The following NFILZ variants were observed in gnomAD, a reference collection of about 807,000 sequenced individuals.
NFILZ encodes the protein NFIL3 like basic leucine zipper.
chr19:8,668,407 G>A (rs1406451622), intron 3 of NFILZ, among the ~76,000 whole-genome samples: 1 of 149,972 alleles, frequency 6.7e-6, no homozygotes, highest in Non-Finnish European at 1.5e-5. Context: ...AGCTCTAACT[G>A]GTTCTTTTTA....
chr19:8,635,365 CCAATTCCTG>C lies in NFILZ; in HGVS notation c.-260-274_-260-266del, dbSNP rs2042890127. On this transcript the variant is annotated intron_variant, in intron 2 of 5. Transcript: ENST00000691075. Reference sequence around the variant, plus strand: ...GAAATACAGAATACCTTTTTCCCTCCCAATTCCTGCAATTCCTGCGTGCCCCTCTGGAGT... The same window carrying C: ...GAAATACAGAATACCTTTTTCCCTCCCAATTCCTGCGTGCCCCTCTGGAGT... 4.6e-5 allele frequency among the ~76,000 whole-genome samples: 7 copies of C among 151,132 alleles called. No homozygotes were observed. The South Asian group carries it at 1.5e-3, about 32-fold the overall frequency.
chr19:8,643,060 C>T (rs186272000), intron 3 of NFILZ, among the ~76,000 whole-genome samples: 3 of 151,934 alleles, frequency 2.0e-5, no homozygotes, highest in African/African-American at 7.3e-5. Flanking sequence ...AGCTCTCCCC[C>T]CACCTCAGCC....
At position 8,677,479 on chromosome 19, in the gene NFILZ, T is replaced by C. The variant is rs2043116372; in HGVS notation, c.714T>C (p.Ala238=). Reference sequence around the variant, plus strand: ...CAGATGTGTTGCTGACACCCACTGCTGATCCCATGGGTCTGTCTCCTGGGG... The same window carrying C: ...CAGATGTGTTGCTGACACCCACTGCCGATCCCATGGGTCTGTCTCCTGGGG... ...GPSDVLLTPT[A]DPMGLSPGVT... The change falls in exon 6 of 6, where the codon GCT becomes GCC. Residue 238 remains alanine, a synonymous_variant. Coordinates refer to ENST00000691075, the MANE Select transcript of NFILZ (RefSeq NM_001378600.1). 6.6e-6 allele frequency: 1 copy of C among 152,402 alleles called. No homozygotes were observed. The highest frequency in any genetic ancestry group is 6.5e-5 in the Admixed American group (1 of 15,284). The allele number at this position is 152,402 out of a possible 1,614,324, so 9.4% of individuals were successfully genotyped here.
At position 8,674,601 on chromosome 19, in the gene NFILZ, G is replaced by T. The variant is rs1346707528; in HGVS notation, c.-114+1G>T. ...TTGTGATTCTCCTATAAGGAATAAG[G>T]TATGCAATATTTCTCAAACATTTTT... On this transcript the variant is annotated splice_donor_variant, in intron 4 of 5. Transcript: ENST00000691075. LOFTEE classifies it low-confidence loss of function (5UTR_SPLICE). 2.0e-5 allele frequency among the ~76,000 whole-genome samples: 3 copies of T among 151,500 alleles called. No individual in the cohort carries two copies. Among genetic ancestry groups the T allele is most frequent in the Non-Finnish European group, 4.4e-5 (3 of 67,978 alleles).
chr19:8,679,859 C>A lies in NFILZ; in HGVS notation c.*2224C>A, dbSNP rs533269115. On this transcript the variant is annotated 3_prime_UTR_variant, in exon 6 of 6. Coordinates refer to ENST00000691075, the MANE Select transcript of NFILZ (RefSeq NM_001378600.1). ...TAAATAAGAGGCAGTAAATAAATTGCCCGGTATAGGGGCTTCTCTGGACTG... is the reference window on the plus strand; with the variant it reads ...TAAATAAGAGGCAGTAAATAAATTGACCGGTATAGGGGCTTCTCTGGACTG... Among the ~76,000 whole-genome samples the A allele has an allele frequency of 1.3e-5, 2 of 152,018 alleles. No individual in the cohort carries two copies. Among genetic ancestry groups the A allele is most frequent in the Non-Finnish European group, 2.9e-5 (2 of 68,004 alleles).
chr19:8,672,373 ATG>A (rs1377404017), intron 3 of NFILZ, among the ~76,000 whole-genome samples: 3 of 152,008 alleles, frequency 2.0e-5, no homozygotes, highest in African/African-American at 7.3e-5. Flanking sequence ...AAAAAAATTC[ATG>A]TGTTTATTAG....
intron 3 of NFILZ, among the ~76,000 whole-genome samples, chr19:8,662,478 CTGCA>C (rs1350019682): frequency 6.6e-6 from 1 of 151,988 alleles, no homozygotes; most frequent in Non-Finnish European, 1.5e-5. Context: ...TGAGGCAGGA[CTGCA>C]TTGGGGTGTT....
chr19:8,668,247 G>C (rs762098359), intron 3 of NFILZ, among the ~76,000 whole-genome samples: 1 of 144,020 alleles, frequency 6.9e-6, no homozygotes, highest in African/African-American at 2.6e-5. Context: ...GACTGTGCCC[G>C]GCATATACAT....
chr19:8,636,981 A>C (rs1466113913), intron 3 of NFILZ, among the ~76,000 whole-genome samples: 1 of 152,140 alleles, frequency 6.6e-6, no homozygotes, highest in African/African-American at 2.4e-5. Context: ...GCCAAGGGGA[A>C]GATATAGAAG....
chr19:8,676,530 G>A (rs1462602083), intron 5 of NFILZ, among the ~76,000 whole-genome samples, 74 bp downstream of exon 5: 6 of 152,146 alleles, frequency 3.9e-5, no homozygotes, highest in African/African-American at 1.4e-4. Flanking sequence ...CATGATGACG[G>A]TGGTCTGCTC....
intron 3 of NFILZ, among the ~76,000 whole-genome samples, chr19:8,647,682 C>T (rs2042945033): frequency 1.3e-5 from 2 of 150,700 alleles, no homozygotes; most frequent in African/African-American, 2.4e-5. Flanking sequence ...GAAAACCAAA[C>T]GCTGCATGTT....
chr19:8,646,426 G>T (rs2042939543), intron 3 of NFILZ, among the ~76,000 whole-genome samples: 1 of 152,162 alleles, frequency 6.6e-6, no homozygotes, highest in Admixed American at 6.6e-5. Flanking sequence ...CCACACAGCT[G>T]GCGTGGCCAG....
chr19:8,646,798 C>T (rs115452550), intron 3 of NFILZ, among the ~76,000 whole-genome samples: 142 of 152,254 alleles, frequency 9.3e-4, no homozygotes, highest in African/African-American at 3.2e-3. Context: ...TCTAAAATGC[C>T]CTTCCTCTGC....
At chr19:8,657,074 G>A (rs2043007527) in intron 3 of NFILZ, among the ~76,000 whole-genome samples, 1 of 151,964 alleles carries the variant, frequency 6.6e-6, no homozygotes, top group Non-Finnish European at 1.5e-5. Flanking sequence ...TTGTTCCTGT[G>A]CCTGTCTGGG....
At chr19:8,675,351 A>G (rs1375482931) in intron 4 of NFILZ, among the ~76,000 whole-genome samples, 2 of 152,168 alleles carry the variant, frequency 1.3e-5, no homozygotes, top group Non-Finnish European at 2.9e-5. Context: ...TAGAACCCAG[A>G]TCTTTGTGTT....
At chr19:8,657,606 T>A (rs1555748643) in intron 3 of NFILZ, among the ~76,000 whole-genome samples, 1 of 152,098 alleles carries the variant, frequency 6.6e-6, no homozygotes, top group African/African-American at 2.4e-5. Context: ...GGATTGTAGT[T>A]AGTGGGTGAG....
chr19:8,655,412 C>T (rs1450846698), intron 3 of NFILZ, among the ~76,000 whole-genome samples: 1 of 152,208 alleles, frequency 6.6e-6, no homozygotes, highest in Non-Finnish European at 1.5e-5. Context: ...GCTGTTTACT[C>T]TCCAGTGATG....
In NFILZ at chr19:8,677,083, C is replaced by T. The variant is rs2918301; in HGVS notation, c.318C>T (p.Ala106=). 0.19 allele frequency: 28,910 copies of T among 152,700 alleles called. 2,920 individuals are homozygous for T. Among genetic ancestry groups the T allele is most frequent in the Admixed American group, 0.24 (3,633 of 15,306 alleles). The allele number at this position is 152,700 out of a possible 1,614,324, so 9.5% of individuals were successfully genotyped here. Residue 106 remains alanine, a synonymous_variant, in exon 6 of 6, where the codon GCC becomes GCT. Transcript: ENST00000691075. ...GLLPLTGGPR[A]LPLQALLLEA... ...TGCCCCTGACTGGTGGGCCCCGGGCCTTGCCCCTGCAGGCTCTGCTATTGG... is the reference window on the plus strand; with the variant it reads ...TGCCCCTGACTGGTGGGCCCCGGGCTTTGCCCCTGCAGGCTCTGCTATTGG...
chr19:8,650,985 T>C (rs889134847), intron 3 of NFILZ, among the ~76,000 whole-genome samples: 52 of 152,120 alleles, frequency 3.4e-4, no homozygotes, highest in Non-Finnish European at 7.3e-5. Flanking sequence ...TTAAATTTAT[T>C]TTTAGTTATT....
Sources: gnomAD v4.1 joint callset for allele counts (sites outside exome capture counted in the v4.1 genomes callset) on GRCh38, gnomAD v4.1.1 for gene constraint, MANE v1.5 for transcripts, NCBI Gene and HGNC (gene_info 2026-07-23, HGNC 2026-07-21) for gene names.